UROC1: variants seen among roughly 807,000 people sequenced by gnomAD.
The protein encoded by UROC1 is urocanate hydratase.
Under a neutral mutation model 89.5 loss-of-function variants are expected in UROC1, and 79 were observed. The ratio of observed to expected loss-of-function variants is 0.88; its 90% CI spans 0.74 to 1.06. UROC1 has a LOEUF of 1.06. Ranked by LOEUF, UROC1 falls within the 50% of genes least tolerant of loss-of-function variation. UROC1 has a pLI of 0.00. For missense variants in UROC1, 885 were observed against 907.8 expected (o/e 0.97, Z 0.32); for synonymous variants, 361 against 354.8 (o/e 1.02, Z -0.20).
chr3:126,512,795 AT>A (rs1255352576), intron 1 of UROC1, among the ~76,000 whole-genome samples: 1 of 152,208 alleles, frequency 6.6e-6, no homozygotes, highest in Non-Finnish European at 1.5e-5. Flanking sequence ...CTTGTATGTA[AT>A]AGTTGTGCCA....
At chr3:126,489,467 C>T in intron 16 of UROC1, 92 bp from the exon 17 acceptor site, 2 of 999,008 alleles carry the variant, frequency 2.0e-6, no homozygotes, top group South Asian at 1.3e-5. Flanking sequence ...ACACCAGAAC[C>T]CGCTGGATTT....
intron 17 of UROC1, among the ~76,000 whole-genome samples, chr3:126,488,742 G>A (rs1165060574): frequency 6.6e-6 from 1 of 152,226 alleles, no homozygotes; most frequent in Non-Finnish European, 1.5e-5. Flanking sequence ...CATCTGCAGA[G>A]AGAAACAGAG....
At position 126,509,469 on chromosome 3, in the gene UROC1, G is replaced by C. The variant is rs867835054; in HGVS notation, c.351+116C>G. The C allele has an allele frequency of 7.6e-6, 8 of 1,054,070 alleles. No homozygotes were observed. The Middle Eastern group carries it at 1.6e-3, about 214-fold the overall frequency. The allele number at this position is 1,054,070 out of a possible 1,614,324, so 65.3% of individuals were successfully genotyped here. ...GCCAGGGACCTCTCTTACTAGCTTT[G>C]CAACTTTCTGTGAATCTATAATTAT... On this transcript the variant is annotated intron_variant, in intron 3 of 19. Transcript: ENST00000290868.
Position 126,492,250 on chromosome 3 carries a change from GGGGCT to G in UROC1, c.1608+163_1608+167del, listed in dbSNP as rs879057878. Among the ~76,000 whole-genome samples, 13 of 152,346 alleles carry G rather than the reference GGGGCT, an allele frequency of 8.5e-5. No homozygotes were observed. The South Asian group carries it at 2.3e-3, about 27-fold the overall frequency. ...CCATGGAAGAGCTAAGCTCCCGGGA[GGGGCT>G]GGTCCACTGCTCCTGAGCACTGGGC... On this transcript the variant is annotated intron_variant, in intron 16 of 19. Coordinates refer to ENST00000290868, the MANE Select transcript of UROC1 (RefSeq NM_144639.3).
At chr3:126,493,210 G>A (rs549741582) in intron 15 of UROC1, among the ~76,000 whole-genome samples, 42 of 151,376 alleles carry the variant, frequency 2.8e-4, no homozygotes, top group African/African-American at 9.1e-4. Context: ...ATTTGGCAAT[G>A]ACTGAAGACA....
chr3:126,501,872 A>G, intron 9 of UROC1: 1 of 1,599,486 alleles, frequency 6.3e-7, no homozygotes. Context: ...TTGACAAAGC[A>G]GGAAAGGACA....
intron 3 of UROC1, 37 bp downstream of exon 3, chr3:126,509,548 C>G: frequency 6.6e-7 from 1 of 1,510,002 alleles, no homozygotes. Flanking sequence ...TCTGTTTCTG[C>G]TGGACAGTGC....
At chr3:126,499,801 C>G (rs1054857704) in intron 12 of UROC1, among the ~76,000 whole-genome samples, 4 of 152,220 alleles carry the variant, frequency 2.6e-5, no homozygotes, top group African/African-American at 9.7e-5. Context: ...GAGCTTGCAC[C>G]TGAGTCTTGT....
intron 1 of UROC1, 28 bp downstream of exon 1, chr3:126,517,566 G>C (rs1417157091): frequency 6.2e-7 from 1 of 1,612,384 alleles, no homozygotes; most frequent in South Asian, 1.1e-5. Flanking sequence ...AGAGGCCAAG[G>C]CCTCGGGAGC....
Position 126,510,768 on chromosome 3 carries a change from G to A in UROC1, c.153C>T (p.Tyr51=). Residue 51 remains tyrosine (Y), a synonymous_variant, in exon 2 of 20, where the codon TAC becomes TAT. Coordinates refer to ENST00000290868, the MANE Select transcript of UROC1 (RefSeq NM_144639.3). ...GCAGCTCCTGGACATCCGGGGGGAA[G>A]TAGCGCAGGGCGTTCCTCAGCGCCA... ...KQLALRNALR[Y]FPPDVQELLA... is the part of the protein sequence containing the mutation. 4.3e-6 allele frequency: 7 copies of A among 1,613,976 alleles called. No individual in the cohort carries two copies. Among genetic ancestry groups the A allele is most frequent in the Non-Finnish European group, 5.9e-6 (7 of 1,180,040 alleles).
intron 1 of UROC1, among the ~76,000 whole-genome samples, chr3:126,514,809 C>G (rs1189661012): frequency 6.6e-6 from 1 of 151,972 alleles, no homozygotes; most frequent in Admixed American, 6.5e-5. Flanking sequence ...TTCTCCACAA[C>G]CCCCTGGTGT....
chr3:126,501,860 G>A (rs1254768668), intron 9 of UROC1: 15 of 1,599,502 alleles, frequency 9.4e-6, no homozygotes, highest in South Asian at 6.6e-5. Context: ...AGGGGTGCAA[G>A]GTTGACAAAG....
intron 19 of UROC1, 124 bp downstream of exon 19, chr3:126,483,245 G>A (rs2107530997): frequency 2.3e-6 from 2 of 859,752 alleles, no homozygotes; most frequent in Non-Finnish European, 3.8e-6. Flanking sequence ...CTGTGCTGTG[G>A]TCATGAGAGG....
intron 2 of UROC1, 96 bp downstream of exon 2, chr3:126,510,568 C>T: frequency 6.4e-7 from 1 of 1,558,568 alleles, no homozygotes; most frequent in Admixed American, 1.8e-5. Flanking sequence ...TTCCCCCTCA[C>T]TGCCGACTCC....
At chr3:126,495,566 T>C (rs1214004419) in intron 15 of UROC1, among the ~76,000 whole-genome samples, 3 of 152,202 alleles carry the variant, frequency 2.0e-5, no homozygotes, top group African/African-American at 7.2e-5. Flanking sequence ...AACACCTGGG[T>C]GGCTTCCGCA....
rs367924965 is a variant in UROC1, at chr3:126,500,118, G to C, written c.1182C>G (p.Ala394=). Residue 394 remains alanine, a synonymous_variant, in exon 12 of 20, where the codon GCC becomes GCG. Transcript: ENST00000290868. ...RRQVSAINRL[A]EEKFFFWDYG... ...AGTCCCAGAAGAAGAACTTCTCCTC[G>C]GCCAACCTGTTGATGGCTGAGACTT... is the stretch of plus-strand genomic sequence containing the variant. The C allele has an allele frequency of 6.2e-7, 1 of 1,613,902 alleles. No individual in the cohort carries two copies. Among genetic ancestry groups the C allele is most frequent in the South Asian group, 1.1e-5 (1 of 91,086 alleles).
In UROC1 at chr3:126,491,312, C is replaced by T. The variant is rs569784772; in HGVS notation, c.1608+1106G>A. On this transcript the variant is annotated intron_variant, in intron 16 of 19. Coordinates refer to ENST00000290868, the MANE Select transcript of UROC1 (RefSeq NM_144639.3). ...GTCAGTCACCCTTCACCACACTACA[C>T]GGGTCTGTCTTGTTCTCTGCTGTGT... 1.9e-4 allele frequency among the ~76,000 whole-genome samples: 29 copies of T among 152,362 alleles called. 1 individual carries two copies. The highest frequency in any genetic ancestry group is 7.2e-4 in the Admixed American group (11 of 15,310).
intron 1 of UROC1, among the ~76,000 whole-genome samples, chr3:126,511,061 G>A (rs1474048731): frequency 6.6e-6 from 1 of 152,072 alleles, no homozygotes; most frequent in African/African-American, 2.4e-5. Context: ...CTCCTGTTCT[G>A]GGGATGGCGC....
In UROC1 at chr3:126,509,560, G is replaced by C. The variant is rs545764848; in HGVS notation, c.351+25C>G. The C allele has an allele frequency of 7.8e-6, 12 of 1,539,130 alleles. No homozygotes were observed. In the South Asian group the frequency reaches 1.2e-4, roughly 15 times the overall value. On this transcript the variant is annotated intron_variant, in intron 3 of 19. Transcript: ENST00000290868. ...TGTTCTGTTTCTGCTGGACAGTGCT[G>C]GGCCTCGGTTTCCCTGGCTATTACC...
Sources: allele counts gnomAD v4.1 joint callset (sites outside exome capture counted in the v4.1 genomes callset), GRCh38; gene constraint gnomAD v4.1.1; transcripts MANE v1.5; gene names NCBI Gene and HGNC (gene_info 2026-07-23, HGNC 2026-07-21).